APBB2: variants seen among roughly 807,000 people sequenced by gnomAD.
The protein encoded by APBB2 is Fe65-like 1.
Under a neutral mutation model 82.5 loss-of-function variants are expected in APBB2, and 38 were observed. That is an observed-to-expected ratio of 0.46 (90% confidence interval 0.36 to 0.60). The LOEUF is 0.60. APBB2 is among the 20% of genes least tolerant of loss of function. The pLI, the probability that APBB2 is intolerant of heterozygous loss-of-function variation, is 0.00. For missense variants in APBB2, 772 were observed against 972.3 expected (o/e 0.79, Z 2.74); for synonymous variants, 341 against 368.2 (o/e 0.93, Z 0.85).
intron 10 of APBB2, among the ~76,000 whole-genome samples, chr4:40,907,063 A>ATCAGCT (rs1440081714): frequency 6.6e-6 from 1 of 152,146 alleles, no homozygotes; most frequent in Non-Finnish European, 1.5e-5. Flanking sequence ...GGACTCAGCT[A>ATCAGCT]GAGACTTCCT....
intron 6 of APBB2, among the ~76,000 whole-genome samples, chr4:40,982,452 A>AGAAAGAAAGAAAGAAAGAAT (rs1560450212): frequency 1.1e-5 from 1 of 87,764 alleles, no homozygotes; most frequent in African/African-American, 4.2e-5. Flanking sequence ...AAAGAAAGAA[A>AGAAAGAAAGAAAGAAAGAAT]GAATGAATGA....
At chr4:41,056,435 C>A (rs2153866866) in intron 4 of APBB2, among the ~76,000 whole-genome samples, 1 of 152,262 alleles carries the variant, frequency 6.6e-6, no homozygotes, top group African/African-American at 2.4e-5. Flanking sequence ...ACCATTGTGT[C>A]CTGTTGGAGG....
chr4:40,833,729 G>T (rs1460181566), intron 12 of APBB2, among the ~76,000 whole-genome samples: 2 of 152,082 alleles, frequency 1.3e-5, no homozygotes, highest in East Asian at 3.9e-4. Context: ...TCATCTTTAA[G>T]TGAAGGGGTT....
chr4:40,846,015 G>GGTGGGT (rs910367465), intron 12 of APBB2, among the ~76,000 whole-genome samples: 6 of 119,814 alleles, frequency 5.0e-5, no homozygotes, highest in African/African-American at 1.3e-4. Context: ...GTGTGAGTGG[G>GGTGGGT]GTGTGTGTGT....
chr4:40,924,119 T>C (rs1274682946), intron 10 of APBB2, among the ~76,000 whole-genome samples: 2 of 152,218 alleles, frequency 1.3e-5, no homozygotes, highest in Non-Finnish European at 2.9e-5. Flanking sequence ...TTACTTTCTC[T>C]GCGCCTTCTG....
At chr4:41,173,692 A>G (rs1049194516) in intron 1 of APBB2, among the ~76,000 whole-genome samples, 52 of 152,194 alleles carry the variant, frequency 3.4e-4, no homozygotes, top group African/African-American at 1.2e-3. Context: ...ACAATTGCCT[A>G]CAGAATTGAG....
intron 1 of APBB2, among the ~76,000 whole-genome samples, chr4:41,163,930 C>A (rs2154043271): frequency 6.6e-6 from 1 of 152,220 alleles, no homozygotes; most frequent in South Asian, 2.1e-4. Flanking sequence ...TATAAATGTT[C>A]TCTAACGTTT....
rs1799297555 is a variant in APBB2 at position 40,982,444 on chromosome 4, AG to A, written c.835+31138del. 2.1e-5 allele frequency among the ~76,000 whole-genome samples: 3 copies of A among 140,562 alleles called. 1 individual carries two copies. Among genetic ancestry groups the A allele is most frequent in the African/African-American group, 8.0e-5 (3 of 37,570 alleles). The allele number at this position is 140,562 out of a possible 152,430, so 92.2% of individuals were successfully genotyped here. ...AAGAAAGAAAGAAAGAAAGAAAGAAAGAAAGAAAGAATGAATGAATTTGAGA... is the reference window on the plus strand; with the variant it reads ...AAGAAAGAAAGAAAGAAAGAAAGAAAAAAGAAAGAATGAATGAATTTGAGA... On this transcript the variant is annotated intron_variant, in intron 6 of 17. Transcript: ENST00000508593.
Position 40,896,366 on chromosome 4 carries a change from A to T in APBB2, c.1255-2955T>A, listed in dbSNP as rs534805626. 2.6e-5 allele frequency among the ~76,000 whole-genome samples: 4 copies of T among 152,360 alleles called. No homozygotes were observed. In the South Asian group the frequency reaches 8.3e-4, roughly 32 times the overall value. On this transcript the variant is annotated intron_variant, in intron 10 of 17. Coordinates refer to ENST00000508593, the MANE Select transcript of APBB2 (RefSeq NM_004307.2). Reference sequence around the variant, plus strand: ...GCGTAAGCCACCGCACCCAGAACTCAATACAGTTCTGAGCGTATGTGGATC... The same window carrying T: ...GCGTAAGCCACCGCACCCAGAACTCTATACAGTTCTGAGCGTATGTGGATC...
intron 1 of APBB2, among the ~76,000 whole-genome samples, chr4:41,204,962 C>T (rs78470991): frequency 0.034 from 5,153 of 152,278 alleles, 285 homozygotes; most frequent in African/African-American, 0.12. Flanking sequence ...TCCACAAAAG[C>T]TCACATCCCT....
intron 1 of APBB2, among the ~76,000 whole-genome samples, chr4:41,157,075 A>G (rs1763657202): frequency 6.6e-6 from 1 of 151,758 alleles, no homozygotes; most frequent in African/African-American, 2.4e-5. Context: ...CAAAAAAAAA[A>G]AAAAAAAACA....
chr4:41,024,071 C>A (rs1209969334), intron 5 of APBB2, among the ~76,000 whole-genome samples: 1 of 152,160 alleles, frequency 6.6e-6, no homozygotes, highest in Non-Finnish European at 1.5e-5. Flanking sequence ...TGACAAAAAA[C>A]AGCAATGGGG....
At chr4:40,854,568 G>A (rs1177169388) in intron 12 of APBB2, among the ~76,000 whole-genome samples, 1 of 151,978 alleles carries the variant, frequency 6.6e-6, no homozygotes, top group Non-Finnish European at 1.5e-5. Context: ...GGACAGATAA[G>A]CTAATGCCAG....
Position 40,934,599 on chromosome 4 carries a change from C to A in APBB2, c.1193+15G>T. 6.2e-7 allele frequency: 1 copy of A among 1,611,950 alleles called. No homozygotes were observed. Among genetic ancestry groups the A allele is most frequent in the Non-Finnish European group, 8.5e-7 (1 of 1,178,044 alleles). ...GCCATACATTGACAGCAGGTCGATC[C>A]TACTAATGTCCTACCTGAGTTTCAA... On this transcript the variant is annotated intron_variant, in intron 9 of 17. Transcript: ENST00000508593.
intron 3 of APBB2, among the ~76,000 whole-genome samples, chr4:41,096,319 GT>G (rs1743437218): frequency 1.3e-5 from 2 of 152,178 alleles, no homozygotes; most frequent in Admixed American, 6.5e-5. Context: ...AAGGTAGCAA[GT>G]TACTTTTCCC....
intron 1 of APBB2, among the ~76,000 whole-genome samples, chr4:41,159,961 G>GAGGAGGAGGAGGAGA (rs1764560364): frequency 3.1e-5 from 1 of 31,992 alleles, no homozygotes. Flanking sequence ...GAAGGAGAAG[G>GAGGAGGAGGAGGAGA]AGAAGAAGAA....
chr4:40,919,655 A>G (rs1220952255), intron 10 of APBB2, among the ~76,000 whole-genome samples: 1 of 152,218 alleles, frequency 6.6e-6, no homozygotes, highest in African/African-American at 2.4e-5. Flanking sequence ...ACAGCCGCCC[A>G]AACGGCTAAC....
chr4:40,891,583 C>T (rs907910308), intron 11 of APBB2, among the ~76,000 whole-genome samples: 8 of 152,338 alleles, frequency 5.3e-5, no homozygotes, highest in Non-Finnish European at 1.0e-4. Context: ...AGCTCTGATG[C>T]TCAGGGAGGC....
intron 12 of APBB2, among the ~76,000 whole-genome samples, chr4:40,874,185 T>C (rs1237315367): frequency 6.6e-6 from 1 of 152,260 alleles, no homozygotes; most frequent in African/African-American, 2.4e-5. Flanking sequence ...ATTTAATTAC[T>C]GCAATTGCAG....
Sources: allele counts gnomAD v4.1 joint callset (sites outside exome capture counted in the v4.1 genomes callset), GRCh38; gene constraint gnomAD v4.1.1; transcripts MANE v1.5; gene names NCBI Gene and HGNC (gene_info 2026-07-23, HGNC 2026-07-21).